FRMD4A: variants seen among roughly 807,000 people sequenced by gnomAD.
FRMD4A encodes FERM domain-containing protein 4A.
Under a neutral mutation model 129.1 loss-of-function variants are expected in FRMD4A, and 29 were observed. The observed-to-expected ratio is 0.22, with a 90% CI of 0.17 to 0.31. The LOEUF (loss-of-function observed/expected upper bound fraction) is 0.31. FRMD4A is among the 10% of genes least tolerant of loss of function. The pLI is 1.00. For synonymous variants in FRMD4A, 634 were observed against 571.6 expected, an observed-to-expected ratio of 1.11 and a Z score of -1.56; for missense variants, 1,272 against 1,375.8, an observed-to-expected ratio of 0.92 and a Z score of 1.19.
intron 2 of FRMD4A, among the ~76,000 whole-genome samples, chr10:14,033,571 G>A (rs1194880117): frequency 1.3e-5 from 2 of 152,026 alleles, no homozygotes; most frequent in Non-Finnish European, 2.9e-5. Flanking sequence ...GATCACTTGA[G>A]CTCAGAAGTT....
intron 2 of FRMD4A, among the ~76,000 whole-genome samples, chr10:14,162,790 A>G (rs1840977710): frequency 6.6e-6 from 1 of 152,082 alleles, no homozygotes; most frequent in African/African-American, 2.4e-5. Context: ...CACAGCATAG[A>G]GTAAATGTTA....
At chr10:13,665,434 G>C (rs556298792) in intron 18 of FRMD4A, among the ~76,000 whole-genome samples, 1 of 152,200 alleles carries the variant, frequency 6.6e-6, no homozygotes, top group East Asian at 1.9e-4. Flanking sequence ...AAGAATGCTT[G>C]ATATATATTT....
intron 2 of FRMD4A, among the ~76,000 whole-genome samples, chr10:14,293,339 T>C (rs1845907530): frequency 1.3e-5 from 2 of 152,178 alleles, no homozygotes; most frequent in African/African-American, 4.8e-5. Context: ...CCTCACCAGA[T>C]GCCGGTGCCA....
intron 2 of FRMD4A, among the ~76,000 whole-genome samples, chr10:14,202,893 C>T (rs1009104906): frequency 2.0e-5 from 3 of 152,162 alleles, no homozygotes; most frequent in African/African-American, 7.2e-5. Flanking sequence ...CCACTTCAGC[C>T]TCCACAATAG....
In FRMD4A at chr10:13,702,231, C is replaced by T. The variant is rs112536997; in HGVS notation, c.837-753G>A. 1.8e-4 allele frequency among the ~76,000 whole-genome samples: 28 copies of T among 152,226 alleles called. 1 individual carries two copies. The highest frequency in any genetic ancestry group is 6.3e-4 in the African/African-American group (26 of 41,548). On this transcript the variant is annotated intron_variant, in intron 13 of 24. Transcript: ENST00000357447. ...GGATGACAGATGCCCCCCACCACTC[C>T]GGGCTACTTTTTTGTATTTTTAGTA...
chr10:13,983,884 T>A (rs1271641385), intron 2 of FRMD4A, among the ~76,000 whole-genome samples: 1 of 150,932 alleles, frequency 6.6e-6, no homozygotes, highest in Non-Finnish European at 1.5e-5. Context: ...GCACCTATAA[T>A]CCCAGCTACT....
At chr10:13,792,407 A>G (rs1010705495) in intron 5 of FRMD4A, among the ~76,000 whole-genome samples, 3 of 152,122 alleles carry the variant, frequency 2.0e-5, no homozygotes, top group African/African-American at 7.2e-5. Flanking sequence ...GAAATGCCAC[A>G]TTGGAGGAGG....
chr10:14,275,803 CT>C (rs1845319484), intron 2 of FRMD4A, among the ~76,000 whole-genome samples: 1 of 152,058 alleles, frequency 6.6e-6, no homozygotes, highest in Non-Finnish European at 1.5e-5. Flanking sequence ...CTTTGGGACG[CT>C]AAGGAAGGAG....
intron 2 of FRMD4A, among the ~76,000 whole-genome samples, chr10:13,894,741 G>A (rs879485085): frequency 1.3e-5 from 2 of 152,112 alleles, no homozygotes; most frequent in South Asian, 2.1e-4. Flanking sequence ...GATAACCTTC[G>A]GTGACCAGCA....
chr10:14,104,540 C>A (rs1837483633), intron 2 of FRMD4A, among the ~76,000 whole-genome samples: 1 of 152,248 alleles, frequency 6.6e-6, no homozygotes, highest in Admixed American at 6.5e-5. Context: ...CTATGCCTTC[C>A]TGTCCCTGAG....
chr10:13,659,276 T>C, intron 21 of FRMD4A, 47 bp downstream of exon 21: 2 of 1,573,528 alleles, frequency 1.3e-6, no homozygotes, highest in African/African-American at 1.3e-5. Flanking sequence ...AATGCCCAAT[T>C]TTAAAAAGGA....
intron 2 of FRMD4A, among the ~76,000 whole-genome samples, chr10:14,116,292 G>A (rs187358469): frequency 1.9e-3 from 288 of 152,300 alleles, no homozygotes; most frequent in Admixed American, 3.9e-3. Flanking sequence ...CCTGGAAACC[G>A]CCACGACAGT....
At chr10:13,723,759 G>T (rs562746277) in intron 12 of FRMD4A, among the ~76,000 whole-genome samples, 1 of 152,278 alleles carries the variant, frequency 6.6e-6, no homozygotes, top group African/African-American at 2.4e-5. Context: ...ACCCACAGGG[G>T]GAAGGTAGAA....
At chr10:14,055,974 G>A (rs1405246990) in intron 2 of FRMD4A, among the ~76,000 whole-genome samples, 3 of 151,746 alleles carry the variant, frequency 2.0e-5, no homozygotes, top group East Asian at 1.9e-4. Flanking sequence ...TCGCTCTTTC[G>A]CCCAGGCCAG....
chr10:13,677,606 G>C (rs58711035), intron 15 of FRMD4A, among the ~76,000 whole-genome samples: 2,733 of 152,218 alleles, frequency 0.018, 79 homozygotes, highest in African/African-American at 0.062. Context: ...ATTATTGCAG[G>C]TTCCCCTTTT....
chr10:13,925,652 C>A (rs1350494003), intron 2 of FRMD4A, among the ~76,000 whole-genome samples: 1 of 129,628 alleles, frequency 7.7e-6, no homozygotes, highest in African/African-American at 3.0e-5. Flanking sequence ...GGCGTGATCT[C>A]GGCTCACTGC....
intron 2 of FRMD4A, among the ~76,000 whole-genome samples, chr10:14,021,552 G>A (rs1160266531): frequency 6.6e-6 from 1 of 151,838 alleles, no homozygotes; most frequent in Non-Finnish European, 1.5e-5. Context: ...GGGAGACCCT[G>A]ACTCAAATAA....
rs569036753 is a variant in FRMD4A, at chr10:13,714,782, G to C, written c.760-7669C>G. On this transcript the variant is annotated intron_variant, in intron 12 of 24. Transcript: ENST00000357447. ...AGGCTGGGCATGGTGGCTCATGCCT[G>C]TAATCCCAGCACTTTGGGAGGCAGA... Among the ~76,000 whole-genome samples the C allele has an allele frequency of 3.9e-5, 6 of 152,190 alleles. No individual in the cohort carries two copies. In the East Asian group the frequency reaches 1.2e-3, roughly 30 times the overall value.
At chr10:13,953,550 C>A (rs898801452) in intron 2 of FRMD4A, among the ~76,000 whole-genome samples, 1 of 152,198 alleles carries the variant, frequency 6.6e-6, no homozygotes, top group Non-Finnish European at 1.5e-5. Flanking sequence ...CTCCCTTTGT[C>A]TAGCTCCTGC....
Sources: gnomAD v4.1 joint callset for allele counts (sites outside exome capture counted in the v4.1 genomes callset) on GRCh38, gnomAD v4.1.1 for gene constraint, MANE v1.5 for transcripts, NCBI Gene and HGNC (gene_info 2026-07-23, HGNC 2026-07-21) for gene names.